The following NRXN1 variants were observed in gnomAD, a reference collection of about 807,000 sequenced individuals.
NRXN1 encodes neurexin-1.
NRXN1 carries 39 observed loss-of-function variants against 150.9 expected under a neutral mutation model. The observed-to-expected ratio is 0.26, with a 90% confidence interval of 0.20 to 0.34. NRXN1 has a LOEUF of 0.34. NRXN1 is among the 10% of genes least tolerant of loss of function. The pLI is 1.00. For synonymous variants in NRXN1, 924 were observed against 757.0 expected (o/e 1.22, Z -3.62); for missense variants, 1,815 against 1,949.9 (o/e 0.93, Z 1.30).
intron 17 of NRXN1, among the ~76,000 whole-genome samples, chr2:50,438,066 C>A (rs531835832): frequency 6.6e-6 from 1 of 152,268 alleles, no homozygotes; most frequent in East Asian, 1.9e-4. Flanking sequence ...ATTTCCTGTT[C>A]TTCCACCTGG....
At position 50,345,477 on chromosome 2, in the gene NRXN1, G is replaced by A. The variant is rs186559749; in HGVS notation, c.3365-108507C>T. On this transcript the variant is annotated intron_variant, in intron 17 of 22. Transcript: ENST00000401669. The stretch of plus-strand genomic sequence containing the variant: ...ACAAGTCTGAAAGGTGACGGGTCCT[G>A]CAAGAAAGAGGTGGAAAATGGATAT... Among the ~76,000 whole-genome samples the A allele has an allele frequency of 1.1e-3, 169 of 152,234 alleles. 1 individual carries two copies. The highest frequency in any genetic ancestry group is 2.7e-3 in the Admixed American group (41 of 15,302).
intron 5 of NRXN1, among the ~76,000 whole-genome samples, chr2:50,730,360 C>T (rs868439361): frequency 1.6e-4 from 24 of 152,150 alleles, no homozygotes; most frequent in Middle Eastern, 6.8e-3. Context: ...CAATAAAATA[C>T]CATGTCTCCA....
At chr2:50,066,099 C>T (rs1389691803) in intron 19 of NRXN1, among the ~76,000 whole-genome samples, 2 of 152,160 alleles carry the variant, frequency 1.3e-5, no homozygotes, top group Non-Finnish European at 2.9e-5. Context: ...AATACTTCAC[C>T]TTCCTTCTTC....
At chr2:50,180,450 G>A (rs1202017944) in intron 18 of NRXN1, among the ~76,000 whole-genome samples, 2 of 152,118 alleles carry the variant, frequency 1.3e-5, no homozygotes, top group South Asian at 2.1e-4. Context: ...CCCAGAATAT[G>A]TGTGTTGGAT....
intron 5 of NRXN1, among the ~76,000 whole-genome samples, chr2:50,902,647 T>TA (rs1408072835): frequency 6.6e-6 from 1 of 152,162 alleles, no homozygotes; most frequent in Non-Finnish European, 1.5e-5. Context: ...AGCACCCTGG[T>TA]AAAAACCCAT....
intron 19 of NRXN1, among the ~76,000 whole-genome samples, chr2:50,080,672 A>G (rs1412798949): frequency 6.6e-6 from 1 of 151,932 alleles, no homozygotes; most frequent in Non-Finnish European, 1.5e-5. Flanking sequence ...AAATAAATTT[A>G]TTAGAAGGAT....
intron 18 of NRXN1, among the ~76,000 whole-genome samples, chr2:50,178,616 T>G (rs570186619): frequency 6.6e-6 from 1 of 152,232 alleles, no homozygotes; most frequent in South Asian, 2.1e-4. Context: ...TACAAATGGT[T>G]CACAGGAACA....
intron 5 of NRXN1, among the ~76,000 whole-genome samples, chr2:50,682,665 A>G (rs1690577579): frequency 6.6e-6 from 1 of 152,126 alleles, no homozygotes; most frequent in African/African-American, 2.4e-5. Flanking sequence ...AGAAGATAAA[A>G]CCATCATACT....
intron 18 of NRXN1, among the ~76,000 whole-genome samples, chr2:50,184,969 C>A (rs540484724): frequency 5.9e-5 from 9 of 152,056 alleles, no homozygotes; most frequent in Non-Finnish European, 1.2e-4. Context: ...TTTAGCGCCA[C>A]GTAGGTGGCC....
intron 17 of NRXN1, among the ~76,000 whole-genome samples, chr2:50,242,372 TAAACTGATGAAAC>T (rs1279482522): frequency 6.6e-6 from 1 of 151,830 alleles, no homozygotes; most frequent in Non-Finnish European, 1.5e-5. Flanking sequence ...GCAACATTTC[TAAACTGATGAAAC>T]AGAATCTTAA....
chr2:50,756,929 G>A (rs959107906), intron 5 of NRXN1, among the ~76,000 whole-genome samples: 1 of 151,778 alleles, frequency 6.6e-6, no homozygotes, highest in African/African-American at 2.4e-5. Flanking sequence ...AAAACTGAAA[G>A]TCTAATCTTG....
intron 5 of NRXN1, among the ~76,000 whole-genome samples, chr2:50,708,993 A>G (rs936059106): frequency 1.3e-5 from 2 of 152,094 alleles, no homozygotes; most frequent in African/African-American, 4.8e-5. Flanking sequence ...CAGACATTTG[A>G]TTGCCTGCTG....
intron 18 of NRXN1, among the ~76,000 whole-genome samples, chr2:50,144,717 A>G (rs914943247): frequency 1.3e-5 from 2 of 151,820 alleles, no homozygotes; most frequent in South Asian, 4.1e-4. Context: ...AAGAAAGAAA[A>G]TTAAAGGAGA....
At chr2:50,870,403 TC>T (rs1188649319) in intron 5 of NRXN1, among the ~76,000 whole-genome samples, 1 of 151,588 alleles carries the variant, frequency 6.6e-6, no homozygotes, top group African/African-American at 2.4e-5. Context: ...GCTCAAGGGA[TC>T]CCCCCGCCTC....
At chr2:50,775,054 C>T (rs1009468955) in intron 5 of NRXN1, among the ~76,000 whole-genome samples, 7 of 152,078 alleles carry the variant, frequency 4.6e-5, no homozygotes, top group Non-Finnish European at 1.0e-4. Context: ...TGCTCTACTC[C>T]ATCCTTTGCT....
chr2:50,749,636 G>A (rs781106845), intron 5 of NRXN1, among the ~76,000 whole-genome samples: 1 of 152,010 alleles, frequency 6.6e-6, no homozygotes, highest in South Asian at 2.1e-4. Flanking sequence ...ACACATTTAG[G>A]AGGCATCCAA....
intron 22 of NRXN1, among the ~76,000 whole-genome samples, chr2:49,935,657 T>G (rs1282489128): frequency 1.3e-5 from 2 of 152,194 alleles, no homozygotes; most frequent in African/African-American, 4.8e-5. Context: ...TGGCTCCTCA[T>G]GGAGGCAGCA....
At chr2:51,031,263 C>G (rs181421068) in intron 1 of NRXN1, among the ~76,000 whole-genome samples, 1 of 151,944 alleles carries the variant, frequency 6.6e-6, no homozygotes, top group Non-Finnish European at 1.5e-5. Context: ...AAAGAAGAAG[C>G]GCTCTAATTC....
At chr2:50,765,402 A>C (rs1004914614) in intron 5 of NRXN1, among the ~76,000 whole-genome samples, 1 of 152,074 alleles carries the variant, frequency 6.6e-6, no homozygotes, top group African/African-American at 2.4e-5. Flanking sequence ...CCTACAAAAG[A>C]AAAAAGATCA....
Sources: gnomAD v4.1 joint callset for allele counts (sites outside exome capture counted in the v4.1 genomes callset) on GRCh38, gnomAD v4.1.1 for gene constraint, MANE v1.5 for transcripts, NCBI Gene and HGNC (gene_info 2026-07-23, HGNC 2026-07-21) for gene names.